The following REV1 variants were observed in gnomAD, a reference collection of about 807,000 sequenced individuals.
The protein encoded by REV1 is REV1 DNA directed polymerase.
REV1 carries 42 observed loss-of-function variants against 137.4 expected under a neutral mutation model. The observed-to-expected ratio is 0.31, with a 90% CI of 0.24 to 0.40. The LOEUF (loss-of-function observed/expected upper bound fraction) is 0.40. Ranked by LOEUF, REV1 falls within the 10% of genes least tolerant of loss-of-function variation. The probability of loss-of-function intolerance (pLI) is 1.00; values close to 1 mark genes in which losing one functional copy is unlikely to be tolerated. For missense variants in REV1, 1,282 were observed against 1,490.1 expected, an observed-to-expected ratio of 0.86 and a Z score of 2.30; for synonymous variants, 524 against 519.2, an observed-to-expected ratio of 1.01 and a Z score of -0.12.
In REV1 at chr2:99,401,140, A is replaced by G. The variant is rs1348846888; in HGVS notation, c.*101T>C. 3.2e-6 allele frequency: 2 copies of G among 624,988 alleles called. No individual in the cohort carries two copies. The highest frequency in any genetic ancestry group is 1.8e-5 in the African/African-American group (1 of 54,456). 38.7% of individuals were successfully genotyped at this position (624,988 alleles called of 1,614,324 possible). On this transcript the variant is annotated 3_prime_UTR_variant, in exon 23 of 23. Transcript: ENST00000258428. ...AAAACACTTGCTTTAAAAGAAATTT[A>G]AAATTATAAAAACTCCGAGCATTAC...
chr2:99,443,848 C>CTTTTT (rs368655067), intron 4 of REV1, among the ~76,000 whole-genome samples: 1 of 147,596 alleles, frequency 6.8e-6, no homozygotes, highest in African/African-American at 2.5e-5. Context: ...ACTTTTCTTC[C>CTTTTT]TTTTTTTTTT....
chr2:99,412,925 A>C lies in REV1; in HGVS notation c.1978T>G (p.Leu660Val). 1 of 1,613,896 alleles carries C rather than the reference A, an allele frequency of 6.2e-7. No individual in the cohort carries two copies. Among genetic ancestry groups the C allele is most frequent in the Non-Finnish European group, 8.5e-7 (1 of 1,179,764 alleles). Residue 660 changes from leucine to valine, a missense_variant, in exon 13 of 23, where the codon TTG becomes GTG. Transcript: ENST00000258428. The stretch of plus-strand genomic sequence containing the variant: ...CAAGTTTTAATTCCCAAAGATGCCA[A>C]CTTAGATTCCATTGAATGTCCAACT... Reference protein sequence around the residue: ...PGVGHSMESKLASLGIKTCGD... With the variant: ...PGVGHSMESKVASLGIKTCGD...
intron 3 of REV1, among the ~76,000 whole-genome samples, chr2:99,461,746 T>C (rs1473180997): frequency 1.3e-5 from 2 of 152,192 alleles, no homozygotes; most frequent in Admixed American, 6.5e-5. Flanking sequence ...ATATGGAAGC[T>C]TGGAAAGAAG....
At chr2:99,412,066 T>C (rs551415575) in intron 13 of REV1, among the ~76,000 whole-genome samples, 2 of 151,968 alleles carry the variant, frequency 1.3e-5, no homozygotes, top group South Asian at 4.1e-4. Flanking sequence ...ACCACGTCTC[T>C]ACTAAAAGTA....
intron 3 of REV1, among the ~76,000 whole-genome samples, chr2:99,459,838 T>G (rs1010909996): frequency 9.9e-5 from 15 of 152,208 alleles, no homozygotes; most frequent in Non-Finnish European, 1.8e-4. Flanking sequence ...GGGTCTTCCC[T>G]CCAAGTTCAA....
rs775587875 is a variant in REV1 at position 99,406,018 on chromosome 2, A to G, written c.2703T>C (p.Ser901=). The G allele has an allele frequency of 6.2e-7, 1 of 1,614,098 alleles. No homozygotes were observed. Among genetic ancestry groups the G allele is most frequent in the Non-Finnish European group, 8.5e-7 (1 of 1,179,980 alleles). Residue 901 remains serine (S), a synonymous_variant, in exon 17 of 23, where the codon AGT becomes AGC. Transcript: ENST00000258428. The part of the protein sequence containing the change: ...LPPFPAHLPT[S]PDTNKAESSG... The stretch of plus-strand genomic sequence containing the variant: ...AAGACTCAGCCTTGTTAGTATCAGG[A>G]CTGGTCGGCAGATGTGCAGGAAAAG...
At chr2:99,428,951 C>G (rs1679753586) in intron 9 of REV1, among the ~76,000 whole-genome samples, 1 of 145,856 alleles carries the variant, frequency 6.9e-6, no homozygotes, top group Non-Finnish European at 1.5e-5. Context: ...AAGATGGTGC[C>G]ACTGCACTCC....
At position 99,438,744 on chromosome 2, in the gene REV1, C is replaced by T. The variant is rs1287786606; in HGVS notation, c.1070G>A (p.Arg357Lys). 1 of 1,614,090 alleles carries T rather than the reference C, an allele frequency of 6.2e-7. No homozygotes were observed. Among genetic ancestry groups the T allele is most frequent in the Non-Finnish European group, 8.5e-7 (1 of 1,179,992 alleles). Residue 357 changes from arginine (R) to lysine (K), a missense_variant, in exon 6 of 23, where the codon AGA becomes AAA. By Grantham distance (26) the Arg-to-Lys change is conservative (BLOSUM62 2). Around this residue, in one of 7 missense-constraint regions of REV1, gnomAD observed 432 missense variants for 438.0 expected, o/e 0.99. Transcript: ENST00000258428. ...NFISNFYSHS[R>K]LHHISMWKCE... ...CTTCCACATTGATATGTGATGCAGT[C>T]TTGAATGAGAATAGAAGTTTGAAAT...
At chr2:99,419,824 G>A (rs1048792633) in intron 11 of REV1, among the ~76,000 whole-genome samples, 2 of 152,176 alleles carry the variant, frequency 1.3e-5, no homozygotes, top group African/African-American at 4.8e-5. Flanking sequence ...GGGCTTCTCC[G>A]TGAATAATAA....
intron 4 of REV1, among the ~76,000 whole-genome samples, chr2:99,448,832 C>T (rs1340212943): frequency 6.6e-6 from 1 of 152,188 alleles, no homozygotes; most frequent in Non-Finnish European, 1.5e-5. Flanking sequence ...TTTCCTGAGT[C>T]ATCACCCCTA....
At chr2:99,416,912 C>CAAAAAAAAAAAAAAAA (rs755184253) in intron 12 of REV1, among the ~76,000 whole-genome samples, 36 of 77,822 alleles carry the variant, frequency 4.6e-4, no homozygotes, top group African/African-American at 1.1e-3. Context: ...GACTCCATCT[C>CAAAAAAAAAAAAAAAA]AAAAAAAAAA....
chr2:99,428,817 G>A (rs1273070545), intron 9 of REV1, among the ~76,000 whole-genome samples: 2 of 151,848 alleles, frequency 1.3e-5, no homozygotes, highest in Non-Finnish European at 2.9e-5. Flanking sequence ...GTGAAATCCT[G>A]CCTCTACTAA....
At chr2:99,452,017 T>A (rs1399954909) in intron 3 of REV1, among the ~76,000 whole-genome samples, 1 of 152,096 alleles carries the variant, frequency 6.6e-6, no homozygotes, top group African/African-American at 2.4e-5. Context: ...TACTAGAACA[T>A]ACTCCCTTAT....
chr2:99,462,714 A>C, intron 2 of REV1, 92 bp from the exon 3 acceptor site: 1 of 1,261,756 alleles, frequency 7.9e-7, no homozygotes, highest in Non-Finnish European at 1.1e-6. Context: ...AAATAAATAA[A>C]TGGACCTTAT....
intron 1 of REV1, among the ~76,000 whole-genome samples, chr2:99,479,387 C>G (rs1319478838): frequency 6.6e-6 from 1 of 151,810 alleles, no homozygotes; most frequent in African/African-American, 2.4e-5. Flanking sequence ...TCCTGCCCCC[C>G]ACTTCCCCTT....
intron 1 of REV1, among the ~76,000 whole-genome samples, chr2:99,484,386 A>C (rs10173883): frequency 0.16 from 24,709 of 151,812 alleles, 2,520 homozygotes; most frequent in African/African-American, 0.27. Flanking sequence ...TAGAAGTTTA[A>C]AAAAAAAATT....
chr2:99,469,530 G>C (rs1311439436), intron 1 of REV1, among the ~76,000 whole-genome samples: 1 of 152,060 alleles, frequency 6.6e-6, no homozygotes. Context: ...AACTAGCCAG[G>C]TGAGGTAAGG....
chr2:99,436,077 G>T, intron 6 of REV1, 136 bp from the exon 7 acceptor site: 1 of 624,874 alleles, frequency 1.6e-6, no homozygotes, highest in Non-Finnish European at 2.8e-6. Context: ...CCAGAATTGA[G>T]TACAGATTAT....
At chr2:99,483,017 C>CA (rs540388372) in intron 1 of REV1, among the ~76,000 whole-genome samples, 20,287 of 104,148 alleles carry the variant, frequency 0.19, 1,893 homozygotes, top group African/African-American at 0.35. Flanking sequence ...AACTCCGTTT[C>CA]AAAAAAAAAA....
Sources: gnomAD v4.1 joint callset for allele counts (sites outside exome capture counted in the v4.1 genomes callset) on GRCh38, gnomAD v4.1.1 for gene constraint, gnomAD v4.1.1 regional missense constraint, MANE v1.5 for transcripts, NCBI Gene and HGNC (gene_info 2026-07-23, HGNC 2026-07-21) for gene names.